LRRC7: variants seen among roughly 807,000 people sequenced by gnomAD.
The protein encoded by LRRC7 is leucine rich repeat containing 7, also known as leucine-rich repeat-containing protein 7.
LRRC7 carries 23 observed loss-of-function variants against 175.7 expected under a neutral mutation model. The observed-to-expected ratio is 0.13, with a 90% CI of 0.09 to 0.19. The LOEUF (loss-of-function observed/expected upper bound fraction) is 0.19. Among genes scored for constraint, LRRC7 ranks in the 10% least tolerant of loss-of-function variants. LRRC7 has a pLI of 1.00. For missense variants in LRRC7, 1,354 were observed against 1,904.7 expected, an observed-to-expected ratio of 0.71 and a Z score of 5.38; for synonymous variants, 685 against 680.9, an observed-to-expected ratio of 1.01 and a Z score of -0.09.
intron 7 of LRRC7, among the ~76,000 whole-genome samples, chr1:69,881,664 G>T (rs1686611851): frequency 6.6e-6 from 1 of 151,890 alleles, no homozygotes. Context: ...GGATCACTGA[G>T]GCCAGAGTTC....
At chr1:69,630,182 A>G (rs1365560121) in intron 1 of LRRC7, among the ~76,000 whole-genome samples, 1 of 151,948 alleles carries the variant, frequency 6.6e-6, no homozygotes, top group Non-Finnish European at 1.5e-5. Flanking sequence ...TTTAACTTCT[A>G]CAAGAATTTT....
At chr1:70,035,622 G>GCA (rs1659226297) in intron 18 of LRRC7, among the ~76,000 whole-genome samples, 1 of 68,334 alleles carries the variant, frequency 1.5e-5, no homozygotes, top group East Asian at 3.2e-4. Flanking sequence ...AGCTAGGGAT[G>GCA]CACAAAAAAA....
rs117730344 is a variant in LRRC7, at chr1:69,630,511, C to T, written c.3-47870C>T. ...GCTACCTTTATTTTGTTATTAGTAA[C>T]GAATATTATTTAATCTAAAATCTAA... On this transcript the variant is annotated intron_variant, in intron 1 of 26. Coordinates refer to ENST00000651989, the MANE Select transcript of LRRC7 (RefSeq NM_001370785.2). Among the ~76,000 whole-genome samples, 63 of 152,114 alleles carry T rather than the reference C, an allele frequency of 4.1e-4. 1 individual carries two copies. In the East Asian group the frequency reaches 8.3e-3, roughly 20 times the overall value.
chr1:69,731,702 A>C (rs1186212693), intron 2 of LRRC7, among the ~76,000 whole-genome samples: 1 of 152,190 alleles, frequency 6.6e-6, no homozygotes, highest in African/African-American at 2.4e-5. Flanking sequence ...TCTGGGACAA[A>C]ATGTTCAATG....
chr1:69,936,715 C>T (rs912156955), intron 8 of LRRC7, among the ~76,000 whole-genome samples: 1 of 152,086 alleles, frequency 6.6e-6, no homozygotes, highest in African/African-American at 2.4e-5. Context: ...CTTCACCCTC[C>T]TCCTACCCTC....
In LRRC7 at chr1:70,135,237, T is replaced by A. The variant is rs1666819118; in HGVS notation, c.*13350T>A. Among the ~76,000 whole-genome samples, 1 of 152,216 alleles carries A rather than the reference T, an allele frequency of 6.6e-6. No individual in the cohort carries two copies. The highest frequency in any genetic ancestry group is 2.1e-4 in the South Asian group (1 of 4,826). ...TTCCTAGGAGCAACCTCTAGGTCAG[T>A]GCTTGCTATCCAGCCACTAGCATAG... On this transcript the variant is annotated 3_prime_UTR_variant, in exon 27 of 27. Transcript: ENST00000651989.
chr1:70,025,521 A>G (rs1251203555), intron 17 of LRRC7, among the ~76,000 whole-genome samples: 1 of 152,080 alleles, frequency 6.6e-6, no homozygotes. Context: ...AAAATGTGAC[A>G]TTAGAAGTAG....
intron 1 of LRRC7, among the ~76,000 whole-genome samples, chr1:69,661,094 A>C (rs1657398623): frequency 6.6e-6 from 1 of 152,066 alleles, no homozygotes; most frequent in Admixed American, 6.5e-5. Context: ...CCAGGTTCAG[A>C]GTTTAAAGGG....
intron 7 of LRRC7, among the ~76,000 whole-genome samples, chr1:69,866,880 T>A (rs1289717664): frequency 1.3e-5 from 2 of 152,142 alleles, no homozygotes; most frequent in Admixed American, 1.3e-4. Flanking sequence ...ATAATATTTT[T>A]AGCAATGTAT....
chr1:70,124,959 G>A lies in LRRC7; in HGVS notation c.*3072G>A, dbSNP rs1160669228. ...AGTGATGAAAATTACTAGTAAAATT[G>A]CAAATTTTGCAAGACAAATAGATAT... On this transcript the variant is annotated 3_prime_UTR_variant, in exon 27 of 27. Transcript: ENST00000651989. Among the ~76,000 whole-genome samples, 1 of 152,096 alleles carries A rather than the reference G, an allele frequency of 6.6e-6. No individual in the cohort carries two copies. The highest frequency in any genetic ancestry group is 1.9e-4 in the East Asian group (1 of 5,186).
At chr1:69,575,809 AG>A in intron 1 of LRRC7, among the ~76,000 whole-genome samples, 1 of 152,312 alleles carries the variant, frequency 6.6e-6, no homozygotes, top group Non-Finnish European at 1.5e-5. Context: ...AAAAACAAGG[AG>A]GACTTTAAGT....
chr1:69,961,347 G>A (rs1395107937), intron 8 of LRRC7, among the ~76,000 whole-genome samples: 1 of 152,046 alleles, frequency 6.6e-6, no homozygotes, highest in Non-Finnish European at 1.5e-5. Flanking sequence ...ACAAACAAAT[G>A]GAAAAACATT....
At chr1:69,653,096 G>A (rs1656099999) in intron 1 of LRRC7, among the ~76,000 whole-genome samples, 1 of 151,904 alleles carries the variant, frequency 6.6e-6, no homozygotes, top group African/African-American at 2.4e-5. Flanking sequence ...ATAGACATGT[G>A]GGATAACATC....
intron 7 of LRRC7, among the ~76,000 whole-genome samples, chr1:69,872,394 A>T (rs1176005302): frequency 1.3e-5 from 2 of 151,976 alleles, no homozygotes; most frequent in Non-Finnish European, 2.9e-5. Context: ...ATCTGTCATG[A>T]CTTATGATCA....
At chr1:69,969,842 C>T (rs1051464723) in intron 8 of LRRC7, among the ~76,000 whole-genome samples, 5 of 152,084 alleles carry the variant, frequency 3.3e-5, no homozygotes, top group African/African-American at 9.7e-5. Flanking sequence ...TATTCAACAG[C>T]GCATGGAACT....
chr1:70,046,475 C>T (rs528533388), intron 22 of LRRC7, among the ~76,000 whole-genome samples: 12 of 151,994 alleles, frequency 7.9e-5, no homozygotes, highest in African/African-American at 2.7e-4. Context: ...GACTCCACCT[C>T]AAAATAAATT....
In LRRC7 at chr1:69,827,511, T is replaced by C. The variant is rs528946286; in HGVS notation, c.500+1685T>C. ...ATGAAAAGTCAACATAAATTGTTTA[T>C]CAAATTTTAAAGTCATGTTTTTAAA... On this transcript the variant is annotated intron_variant, in intron 5 of 26. Coordinates refer to ENST00000651989, the MANE Select transcript of LRRC7 (RefSeq NM_001370785.2). Among the ~76,000 whole-genome samples the C allele has an allele frequency of 3.3e-5, 5 of 152,314 alleles. No homozygotes were observed. In the East Asian group the frequency reaches 7.7e-4, roughly 24 times the overall value.
intron 21 of LRRC7, among the ~76,000 whole-genome samples, chr1:70,042,084 A>G (rs1160127238): frequency 6.6e-6 from 1 of 152,216 alleles, no homozygotes; most frequent in Non-Finnish European, 1.5e-5. Flanking sequence ...TTTAATTCCA[A>G]GAAATTAACT....
chr1:69,747,726 T>A (rs138162282), intron 2 of LRRC7, among the ~76,000 whole-genome samples: 116 of 152,268 alleles, frequency 7.6e-4, no homozygotes, highest in African/African-American at 2.6e-3. Flanking sequence ...TCAGGATAAG[T>A]ATGTAAATAT....
Sources: allele counts gnomAD v4.1 joint callset (sites outside exome capture counted in the v4.1 genomes callset), GRCh38; gene constraint gnomAD v4.1.1; transcripts MANE v1.5; gene names NCBI Gene and HGNC (gene_info 2026-07-23, HGNC 2026-07-21).